The following YTHDC2 variants were observed in gnomAD, a reference collection of about 807,000 sequenced individuals.
YTHDC2 encodes YTH N6-methyladenosine RNA binding protein C2, also known as 3'-5' RNA helicase YTHDC2.
YTHDC2 carries 45 observed loss-of-function variants against 174.9 expected under a neutral mutation model. That is an observed-to-expected ratio of 0.26 (90% confidence interval 0.20 to 0.33). YTHDC2 has a LOEUF of 0.33. YTHDC2 is among the 10% of genes least tolerant of loss of function. The pLI is 1.00. For missense variants in YTHDC2, 1,650 were observed against 1,723.7 expected (o/e 0.96, Z 0.76); for synonymous variants, 657 against 574.5 (o/e 1.14, Z -2.05).
chr5:113,526,725 A>C lies in YTHDC2; in HGVS notation c.615A>C (p.Ile205=), dbSNP rs1198373062. ...VFEKQEEIVK[I]IKENKVVLIV... ...AGAAACAGGAAGAAATTGTTAAAATAATTAAGGAAAATAAAGTAGTTTTGA... is the reference window on the plus strand; with the variant it reads ...AGAAACAGGAAGAAATTGTTAAAATCATTAAGGAAAATAAAGTAGTTTTGA... Residue 205 remains isoleucine (I), a synonymous_variant, in exon 4 of 30, where the codon ATA becomes ATC. Transcript: ENST00000161863. 6.3e-7 allele frequency: 1 copy of C among 1,578,574 alleles called. No homozygotes were observed. The highest frequency in any genetic ancestry group is 2.3e-5 in the East Asian group (1 of 42,966).
Position 113,593,382 on chromosome 5 carries a change from G to A in YTHDC2, c.4292G>A (p.Ter1431=), listed in dbSNP as rs1041768224. ...TTGGGAGAAAAAAACACAACTGATT[G>A]ACACTCAGGTTATACCATCTTGACT... The part of the protein sequence containing the change: ...LPLGEKNTTD[*] The change falls in exon 29 of 30, where the codon TGA becomes TAA. Residue 1431 remains the stop codon, a stop_retained_variant. Transcript: ENST00000161863. The A allele has an allele frequency of 1.4e-5, 23 of 1,611,278 alleles. No individual in the cohort carries two copies. Among genetic ancestry groups the A allele is most frequent in the Middle Eastern group, 1.7e-4 (1 of 6,050 alleles).
At chr5:113,554,947 G>C (rs901978659) in intron 16 of YTHDC2, among the ~76,000 whole-genome samples, 1 of 151,764 alleles carries the variant, frequency 6.6e-6, no homozygotes, top group Non-Finnish European at 1.5e-5. Context: ...TGTGAAAAAA[G>C]TAATTGCCTT....
chr5:113,593,292 G>A lies in YTHDC2; in HGVS notation c.4213-11G>A. On this transcript the variant is annotated splice_polypyrimidine_tract_variant and intron_variant, in intron 28 of 29. Coordinates refer to ENST00000161863, the MANE Select transcript of YTHDC2 (RefSeq NM_022828.5). The stretch of plus-strand genomic sequence containing the variant: ...TCTTTTTATGTTTATTTTGACTTCT[G>A]ATTTATCTAGGAACTAGAACCTCTG... The A allele has an allele frequency of 6.2e-7, 1 of 1,607,976 alleles. No individual in the cohort carries two copies. The highest frequency in any genetic ancestry group is 1.1e-5 in the South Asian group (1 of 90,658).
chr5:113,590,633 C>G (rs1352551969), intron 26 of YTHDC2, among the ~76,000 whole-genome samples: 1 of 152,232 alleles, frequency 6.6e-6, no homozygotes, highest in Non-Finnish European at 1.5e-5. Flanking sequence ...GGTCTCTGAA[C>G]TCCAGTGTCT....
At chr5:113,587,008 C>A (rs1358915880) in intron 26 of YTHDC2, among the ~76,000 whole-genome samples, 1 of 6 alleles carries the variant, frequency 0.17, no homozygotes, top group Non-Finnish European at 0.17. Context: ...ATTATGTATT[C>A]ATATATAATA....
At chr5:113,576,093 ACT>A (rs1300367152) in intron 23 of YTHDC2, among the ~76,000 whole-genome samples, 7 of 152,154 alleles carry the variant, frequency 4.6e-5, no homozygotes, top group African/African-American at 9.6e-5. Context: ...TGGCTAAGAC[ACT>A]CTAAGTAAAT....
At position 113,542,371 on chromosome 5, in the gene YTHDC2, G is replaced by A; in HGVS notation, c.1363G>A (p.Glu455Lys). 1 of 1,604,988 alleles carries A rather than the reference G, an allele frequency of 6.2e-7. No individual in the cohort carries two copies. The highest frequency in any genetic ancestry group is 8.5e-7 in the Non-Finnish European group (1 of 1,177,748). Residue 455 changes from glutamate (E) to lysine (K), a missense_variant, in exon 10 of 30, where the codon GAA (glutamate) becomes AAA (lysine). This residue lies in a region of YTHDC2 where 411 missense variants were observed against 380.6 expected (regional missense o/e 1.08). Coordinates refer to ENST00000161863, the MANE Select transcript of YTHDC2 (RefSeq NM_022828.5). ...TGATTTTTACTGTTTTTTGTAGACT[G>A]AAAAAGATGTGAATTGCCTTGAACC... ...GGDAVFSQLT[E>K]KDVNCLEPWL...
chr5:113,579,938 G>T, intron 24 of YTHDC2: 1 of 983,600 alleles, frequency 1.0e-6, no homozygotes, highest in Non-Finnish European at 1.2e-6. Context: ...GTTTGTTGTT[G>T]CTGCTATAGT....
At chr5:113,525,354 A>G (rs547746769) in intron 3 of YTHDC2, among the ~76,000 whole-genome samples, 177 bp downstream of exon 3, 4 of 152,102 alleles carry the variant, frequency 2.6e-5, no homozygotes, top group Non-Finnish European at 5.9e-5. Context: ...AAAGCATGTC[A>G]TTAAGTTGAA....
intron 26 of YTHDC2, among the ~76,000 whole-genome samples, chr5:113,586,014 C>G (rs1228047790): frequency 6.6e-6 from 1 of 151,946 alleles, no homozygotes; most frequent in Non-Finnish European, 1.5e-5. Context: ...TATTATTTGG[C>G]AAATCCCTAG....
intron 26 of YTHDC2, among the ~76,000 whole-genome samples, chr5:113,586,551 G>T (rs1167447279): frequency 6.6e-6 from 1 of 151,622 alleles, no homozygotes; most frequent in Non-Finnish European, 1.5e-5. Flanking sequence ...ATTATGATTA[G>T]TATTTTTTTG....
intron 23 of YTHDC2, among the ~76,000 whole-genome samples, chr5:113,570,948 C>T (rs1777674731): frequency 6.6e-6 from 1 of 152,162 alleles, no homozygotes; most frequent in African/African-American, 2.4e-5. Flanking sequence ...CCACTGCACC[C>T]ACCCGACGTG....
intron 23 of YTHDC2, among the ~76,000 whole-genome samples, chr5:113,572,842 A>G (rs187412205): frequency 2.0e-5 from 3 of 152,050 alleles, no homozygotes; most frequent in Non-Finnish European, 2.9e-5. Flanking sequence ...TTTTGAGCCT[A>G]TGTGTGGCTT....
In YTHDC2 at chr5:113,547,216, A is replaced by G. The variant is rs746850480; in HGVS notation, c.1496-1325A>G. ...CAGTTTGATGCTGTTCTCCAAGGCCATGAATTGAATATTCAGTTGAAGAAG... is the reference window on the plus strand; with the variant it reads ...CAGTTTGATGCTGTTCTCCAAGGCCGTGAATTGAATATTCAGTTGAAGAAG... On this transcript the variant is annotated intron_variant, in intron 10 of 29. Coordinates refer to ENST00000161863, the MANE Select transcript of YTHDC2 (RefSeq NM_022828.5). Among the ~76,000 whole-genome samples, 3 of 152,304 alleles carry G rather than the reference A, an allele frequency of 2.0e-5. No homozygotes were observed. The East Asian group carries it at 5.8e-4, about 29-fold the overall frequency.
At chr5:113,535,217 T>C (rs540115728) in intron 6 of YTHDC2, among the ~76,000 whole-genome samples, 1 of 152,320 alleles carries the variant, frequency 6.6e-6, no homozygotes, top group African/African-American at 2.4e-5. Context: ...TACAGACTTT[T>C]CTTGTTGTTA....
chr5:113,518,150 A>T (rs1773603064), intron 2 of YTHDC2, among the ~76,000 whole-genome samples: 2 of 147,730 alleles, frequency 1.4e-5, no homozygotes, highest in Admixed American at 1.4e-4. Flanking sequence ...GGCCTCCCAA[A>T]GTGCTGGGAT....
intron 23 of YTHDC2, among the ~76,000 whole-genome samples, chr5:113,578,748 C>T (rs1054540051): frequency 5.3e-5 from 8 of 152,056 alleles, no homozygotes; most frequent in African/African-American, 1.9e-4. Flanking sequence ...TGATTCCATG[C>T]AAAATTGAGA....
intron 7 of YTHDC2, among the ~76,000 whole-genome samples, chr5:113,536,335 C>T (rs1015865320): frequency 2.6e-5 from 4 of 152,128 alleles, no homozygotes; most frequent in African/African-American, 4.8e-5. Flanking sequence ...ACCATCCTGG[C>T]TAACACAGTG....
chr5:113,558,296 T>A (rs968319521), intron 17 of YTHDC2, among the ~76,000 whole-genome samples: 5 of 152,216 alleles, frequency 3.3e-5, no homozygotes, highest in Admixed American at 2.0e-4. Context: ...AGTATAGTAT[T>A]CTTTCAGCTC....
Sources: gnomAD v4.1 joint callset for allele counts (sites outside exome capture counted in the v4.1 genomes callset) on GRCh38, gnomAD v4.1.1 for gene constraint, gnomAD v4.1.1 regional missense constraint, MANE v1.5 for transcripts, NCBI Gene and HGNC (gene_info 2026-07-23, HGNC 2026-07-21) for gene names.